Variants in PPP1R9A observed in about 807,000 individuals in gnomAD.
PPP1R9A encodes the protein neurabin-1.
In PPP1R9A, 59 loss-of-function variants were observed where a neutral mutation model predicts 141.9. The ratio of observed to expected loss-of-function variants is 0.42; its 90% CI spans 0.34 to 0.52. The LOEUF (loss-of-function observed/expected upper bound fraction) is 0.52. PPP1R9A is among the 20% of genes least tolerant of loss of function. The probability of loss-of-function intolerance (pLI) is 0.10; values close to 1 mark genes in which losing one functional copy is unlikely to be tolerated. For synonymous variants in PPP1R9A, 500 were observed against 569.7 expected (o/e 0.88, Z 1.74); for missense variants, 1,444 against 1,611.9 (o/e 0.90, Z 1.78).
At chr7:95,051,511 C>G (rs1810796282) in intron 2 of PPP1R9A, among the ~76,000 whole-genome samples, 1 of 152,122 alleles carries the variant, frequency 6.6e-6, no homozygotes, top group African/African-American at 2.4e-5. Context: ...TCAATATCCA[C>G]AAAATAACTT....
intron 2 of PPP1R9A, among the ~76,000 whole-genome samples, chr7:94,919,231 G>A (rs1792463684): frequency 6.6e-6 from 1 of 152,018 alleles, no homozygotes; most frequent in Non-Finnish European, 1.5e-5. Context: ...CTGCGCACAA[G>A]GGATCTTCCT....
chr7:95,134,160 C>A, intron 4 of PPP1R9A, among the ~76,000 whole-genome samples: 1 of 152,244 alleles, frequency 6.6e-6, no homozygotes. Context: ...GAGTTCATGT[C>A]CTTTGCAGGG....
At chr7:95,008,621 C>T (rs1397135538) in intron 2 of PPP1R9A, among the ~76,000 whole-genome samples, 1 of 152,180 alleles carries the variant, frequency 6.6e-6, no homozygotes, top group Non-Finnish European at 1.5e-5. Context: ...GTAAGCTTCA[C>T]TGTTGTCCTC....
At chr7:95,110,367 TG>T (rs1292242215) in intron 2 of PPP1R9A, among the ~76,000 whole-genome samples, 1 of 152,156 alleles carries the variant, frequency 6.6e-6, no homozygotes, top group Admixed American at 6.5e-5. Flanking sequence ...TTATGATTTT[TG>T]GGGGAGCACA....
chr7:95,146,536 A>G lies in PPP1R9A; in HGVS notation c.1650-15331A>G, dbSNP rs556833628. On this transcript the variant is annotated intron_variant, in intron 4 of 19. Transcript: ENST00000433360. ...TTTGTGAATTTTGGCTTTTGTTGCC[A>G]TTGTTTTTGGTGTTTTAGTCATGAA... 6.6e-5 allele frequency among the ~76,000 whole-genome samples: 10 copies of G among 152,176 alleles called. No homozygotes were observed. In the South Asian group the frequency reaches 1.7e-3, roughly 25 times the overall value.
At chr7:94,988,563 A>G (rs1224112294) in intron 2 of PPP1R9A, among the ~76,000 whole-genome samples, 2 of 152,064 alleles carry the variant, frequency 1.3e-5, no homozygotes, top group Non-Finnish European at 2.9e-5. Flanking sequence ...TGAGTATAGA[A>G]ACAGAATTTG....
chr7:95,147,615 T>G (rs371620394), intron 4 of PPP1R9A, among the ~76,000 whole-genome samples: 6 of 152,208 alleles, frequency 3.9e-5, no homozygotes, highest in African/African-American at 1.4e-4. Flanking sequence ...CCATTCGATA[T>G]GATATTGGCT....
At chr7:95,092,324 T>C (rs1817463175) in intron 2 of PPP1R9A, among the ~76,000 whole-genome samples, 1 of 150,926 alleles carries the variant, frequency 6.6e-6, no homozygotes, top group Non-Finnish European at 1.5e-5. Flanking sequence ...AGCTTTTTCT[T>C]GTCTGTATCT....
chr7:95,158,873 G>A (rs1387916244), intron 4 of PPP1R9A, among the ~76,000 whole-genome samples: 2 of 152,182 alleles, frequency 1.3e-5, no homozygotes, highest in Non-Finnish European at 2.9e-5. Context: ...TCAGTGAAAT[G>A]CAATTGAAAT....
intron 5 of PPP1R9A, among the ~76,000 whole-genome samples, chr7:95,194,895 A>G (rs1836016168): frequency 6.6e-6 from 1 of 152,108 alleles, no homozygotes; most frequent in Non-Finnish European, 1.5e-5. Context: ...GTTCTCCACA[A>G]ATTAATTTAG....
chr7:94,924,356 A>G lies in PPP1R9A; in HGVS notation c.1395+12848A>G, dbSNP rs116877044. Reference sequence around the variant, plus strand: ...TTTATCTTGCTGGCTCCTTCTCTGTATAACGAGTTCTGTGAGTAGTAGCAT... The same window carrying G: ...TTTATCTTGCTGGCTCCTTCTCTGTGTAACGAGTTCTGTGAGTAGTAGCAT... On this transcript the variant is annotated intron_variant, in intron 2 of 19. Transcript: ENST00000433360. Among the ~76,000 whole-genome samples the G allele has an allele frequency of 1.8e-3, 278 of 152,268 alleles. 2 individuals are homozygous for G. The highest frequency in any genetic ancestry group is 6.8e-3 in the Middle Eastern group (2 of 294).
At chr7:95,281,724 A>G (rs569032506) in intron 16 of PPP1R9A, among the ~76,000 whole-genome samples, 191 of 152,324 alleles carry the variant, frequency 1.3e-3, no homozygotes, top group African/African-American at 4.5e-3. Flanking sequence ...GGTAATAGTG[A>G]TTGTTCTAAA....
At position 95,220,946 on chromosome 7, in the gene PPP1R9A, C is replaced by G. The variant is rs557489530; in HGVS notation, c.1957-5015C>G. 1.9e-4 allele frequency among the ~76,000 whole-genome samples: 29 copies of G among 152,016 alleles called. No individual in the cohort carries two copies. The South Asian group carries it at 5.8e-3, about 31-fold the overall frequency. ...TCTTGGGCTTGGGTAGAAGCTGGTGCCTACCCCAAACTGGGAATATAAGTA... is the reference window on the plus strand; with the variant it reads ...TCTTGGGCTTGGGTAGAAGCTGGTGGCTACCCCAAACTGGGAATATAAGTA... On this transcript the variant is annotated intron_variant, in intron 7 of 19. Coordinates refer to ENST00000433360, the MANE Select transcript of PPP1R9A (RefSeq NM_001166160.2).
chr7:95,162,507 G>A (rs1487217131), intron 5 of PPP1R9A, among the ~76,000 whole-genome samples: 1 of 152,158 alleles, frequency 6.6e-6, no homozygotes, highest in Non-Finnish European at 1.5e-5. Context: ...TCAAACTTGG[G>A]ATTGTGAATA....
chr7:95,265,021 C>A (rs1381824242), intron 12 of PPP1R9A, among the ~76,000 whole-genome samples: 2 of 152,106 alleles, frequency 1.3e-5, no homozygotes, highest in Admixed American at 1.3e-4. Flanking sequence ...AACACTGAGC[C>A]AGTTGGATTT....
intron 1 of PPP1R9A, among the ~76,000 whole-genome samples, chr7:94,909,023 TATTTG>T (rs1791149104): frequency 6.6e-6 from 1 of 152,336 alleles, no homozygotes; most frequent in South Asian, 2.1e-4. Context: ...TATCTTGAAG[TATTTG>T]ATTGCTGGCT....
intron 4 of PPP1R9A, among the ~76,000 whole-genome samples, chr7:95,138,244 A>T (rs1272867714): frequency 6.6e-6 from 1 of 152,172 alleles, no homozygotes; most frequent in East Asian, 1.9e-4. Flanking sequence ...CTGACTTTCA[A>T]TAAAAGTACC....
chr7:95,033,171 ATTTTT>A (rs10709825), intron 2 of PPP1R9A, among the ~76,000 whole-genome samples: 2 of 103,888 alleles, frequency 1.9e-5, no homozygotes, highest in East Asian at 5.7e-4. Flanking sequence ...TGCCTGGCTA[ATTTTT>A]TTTTTTTTTT....
chr7:95,054,960 C>T (rs546637237), intron 2 of PPP1R9A, among the ~76,000 whole-genome samples: 70 of 152,066 alleles, frequency 4.6e-4, no homozygotes, highest in Non-Finnish European at 7.6e-4. Flanking sequence ...TTTTAACTTA[C>T]GTGATCAATT....
Sources: gnomAD v4.1 joint callset for allele counts (sites outside exome capture counted in the v4.1 genomes callset) on GRCh38, gnomAD v4.1.1 for gene constraint, MANE v1.5 for transcripts, NCBI Gene and HGNC (gene_info 2026-07-23, HGNC 2026-07-21) for gene names.